The following ARID5B variants were observed in gnomAD, a reference collection of about 807,000 sequenced individuals.
ARID5B encodes AT-rich interactive domain-containing protein 5B.
In ARID5B, 13 loss-of-function variants were observed where a neutral mutation model predicts 97.2. That is an observed-to-expected ratio of 0.13 (90% CI 0.09 to 0.21). ARID5B has a LOEUF of 0.21. Ranked by LOEUF, ARID5B falls within the 10% of genes least tolerant of loss-of-function variation. ARID5B has a pLI of 1.00. For missense variants in ARID5B, 1,210 were observed against 1,465.3 expected (o/e 0.83, Z 2.84); for synonymous variants, 556 against 570.3 (o/e 0.97, Z 0.36).
At chr10:62,084,635 A>G (rs1475572529) in intron 8 of ARID5B, among the ~76,000 whole-genome samples, 1 of 152,244 alleles carries the variant, frequency 6.6e-6, no homozygotes, top group Non-Finnish European at 1.5e-5. Context: ...AAAAACTTTA[A>G]TCACTGAAGT....
At chr10:61,972,772 C>T (rs1421477449) in intron 3 of ARID5B, among the ~76,000 whole-genome samples, 1 of 152,108 alleles carries the variant, frequency 6.6e-6, no homozygotes, top group Non-Finnish European at 1.5e-5. Flanking sequence ...AGAAGTGGAG[C>T]TTGTCAGATC....
At chr10:62,038,297 T>C (rs1475556203) in intron 4 of ARID5B, among the ~76,000 whole-genome samples, 2 of 151,750 alleles carry the variant, frequency 1.3e-5, no homozygotes, top group African/African-American at 4.8e-5. Flanking sequence ...TATAGAAAGA[T>C]AAATTCTGTA....
At chr10:61,989,417 G>A (rs1462095544) in intron 3 of ARID5B, among the ~76,000 whole-genome samples, 1 of 152,072 alleles carries the variant, frequency 6.6e-6, no homozygotes, top group Non-Finnish European at 1.5e-5. Flanking sequence ...AATAATCCAT[G>A]TATTCCTTTG....
At chr10:61,973,458 A>G (rs1025291781) in intron 3 of ARID5B, among the ~76,000 whole-genome samples, 1 of 152,156 alleles carries the variant, frequency 6.6e-6, no homozygotes, top group Non-Finnish European at 1.5e-5. Flanking sequence ...TCATTCCACT[A>G]TTTGTGGCTT....
intron 4 of ARID5B, among the ~76,000 whole-genome samples, chr10:62,003,999 A>G (rs908224364): frequency 1.3e-5 from 2 of 152,236 alleles, no homozygotes; most frequent in African/African-American, 4.8e-5. Context: ...GAAACTATTA[A>G]AGAAAAATAG....
chr10:62,026,009 G>A (rs924786191), intron 4 of ARID5B, among the ~76,000 whole-genome samples: 1 of 152,340 alleles, frequency 6.6e-6, no homozygotes, highest in East Asian at 1.9e-4. Context: ...AGAAATAGCT[G>A]AGTAACTGCT....
intron 4 of ARID5B, among the ~76,000 whole-genome samples, chr10:62,034,069 T>C (rs1839530649): frequency 6.6e-6 from 1 of 152,214 alleles, no homozygotes; most frequent in African/African-American, 2.4e-5. Context: ...ATGGAGCGGA[T>C]GGTTTTGCAT....
Position 62,069,747 on chromosome 10 carries a change from T to C in ARID5B, c.1149T>C (p.Gly383=). 3 of 1,614,128 alleles carry C rather than the reference T, an allele frequency of 1.9e-6. No homozygotes were observed. Among genetic ancestry groups the C allele is most frequent in the South Asian group, 2.2e-5 (2 of 91,086 alleles). The change falls in exon 8 of 10, where the codon GGT becomes GGC. Residue 383 remains glycine, a synonymous_variant. Transcript: ENST00000279873. The stretch of plus-strand genomic sequence containing the variant: ...AACATATTTATGATGAATTAGGCGG[T>C]AATCCTGGGAGCACCAGCGCTGCCA... The part of the protein sequence containing the change: ...QWKHIYDELG[G]NPGSTSAATC...
At chr10:61,988,546 G>A (rs1014768420) in intron 3 of ARID5B, among the ~76,000 whole-genome samples, 1 of 152,210 alleles carries the variant, frequency 6.6e-6, no homozygotes, top group South Asian at 2.1e-4. Flanking sequence ...TTGGGTCTTT[G>A]TTGGGGCTTT....
intron 2 of ARID5B, among the ~76,000 whole-genome samples, chr10:61,935,191 G>T (rs890128051): frequency 6.6e-6 from 1 of 151,972 alleles, no homozygotes; most frequent in African/African-American, 2.4e-5. Flanking sequence ...CTTTCAATTT[G>T]TAAAAAATGC....
At chr10:62,076,511 G>A (rs544499827) in intron 8 of ARID5B, among the ~76,000 whole-genome samples, 3 of 139,700 alleles carry the variant, frequency 2.1e-5, no homozygotes, top group East Asian at 2.3e-4. Flanking sequence ...GCAGTGAGCC[G>A]AGATCACGCC....
At chr10:61,955,986 A>G (rs1838386523) in intron 3 of ARID5B, among the ~76,000 whole-genome samples, 1 of 152,120 alleles carries the variant, frequency 6.6e-6, no homozygotes, top group South Asian at 2.1e-4. Flanking sequence ...TAATATTTTC[A>G]ATGAGTGGGA....
chr10:62,002,440 T>C (rs1839091323), intron 4 of ARID5B, among the ~76,000 whole-genome samples: 1 of 152,234 alleles, frequency 6.6e-6, no homozygotes, highest in Admixed American at 6.5e-5. Context: ...AGTTTAATAA[T>C]TAGAGTATTA....
chr10:61,947,149 T>C (rs990874513), intron 3 of ARID5B, among the ~76,000 whole-genome samples: 2 of 152,104 alleles, frequency 1.3e-5, no homozygotes, highest in African/African-American at 2.4e-5. Flanking sequence ...GATTGCCTCA[T>C]GCCGTTATAA....
intron 4 of ARID5B, among the ~76,000 whole-genome samples, chr10:62,004,121 C>A (rs1488025901): frequency 6.6e-6 from 1 of 152,184 alleles, no homozygotes; most frequent in Non-Finnish European, 1.5e-5. Flanking sequence ...AATTAACTAT[C>A]CTCCTTACTT....
chr10:62,069,813 A>T lies in ARID5B; in HGVS notation c.1199+16A>T. ...ATTATGAAAGGTAAGAAACCATTTC[A>T]TGGAATTGCTTAGTTAAAAGTGTGT... is the stretch of plus-strand genomic sequence containing the variant. On this transcript the variant is annotated intron_variant, in intron 8 of 9. Coordinates refer to ENST00000279873, the MANE Select transcript of ARID5B (RefSeq NM_032199.3). 6.2e-7 allele frequency: 1 copy of T among 1,611,920 alleles called. No individual in the cohort carries two copies. The highest frequency in any genetic ancestry group is 8.5e-7 in the Non-Finnish European group (1 of 1,178,092).
intron 4 of ARID5B, among the ~76,000 whole-genome samples, chr10:62,013,794 G>GTGTATA (rs71470787): frequency 7.2e-6 from 1 of 138,938 alleles, no homozygotes; most frequent in Non-Finnish European, 1.5e-5. Flanking sequence ...ATTCCATTGG[G>GTGTATA]TATATATATA....
In ARID5B at chr10:62,093,957, C is replaced by T. The variant is rs1840427942; in HGVS notation, c.*927C>T. 3 of 233,682 alleles carry T rather than the reference C, an allele frequency of 1.3e-5. No individual in the cohort carries two copies. Among genetic ancestry groups the T allele is most frequent in the Non-Finnish European group, 2.5e-5 (3 of 118,054 alleles). 14.5% of individuals were successfully genotyped at this position (233,682 alleles called of 1,614,324 possible). On this transcript the variant is annotated 3_prime_UTR_variant, in exon 10 of 10. Transcript: ENST00000279873. ...AATGGCATAGTTGAAAGAGCTTATACACTGCTTACCCAGCCAAATGCTTTG... is the reference window on the plus strand; with the variant it reads ...AATGGCATAGTTGAAAGAGCTTATATACTGCTTACCCAGCCAAATGCTTTG...
At chr10:61,977,007 C>T (rs1838709625) in intron 3 of ARID5B, among the ~76,000 whole-genome samples, 1 of 152,036 alleles carries the variant, frequency 6.6e-6, no homozygotes, top group African/African-American at 2.4e-5. Context: ...TATCCCTCTC[C>T]CCTCCCCTCA....
Sources: gnomAD v4.1 joint callset for allele counts (sites outside exome capture counted in the v4.1 genomes callset) on GRCh38, gnomAD v4.1.1 for gene constraint, MANE v1.5 for transcripts, NCBI Gene and HGNC (gene_info 2026-07-23, HGNC 2026-07-21) for gene names.